The following LALBA variants were observed in gnomAD, a reference collection of about 807,000 sequenced individuals.
LALBA encodes alpha-lactalbumin.
Under a neutral mutation model 13.4 loss-of-function variants are expected in LALBA, and 12 were observed. The observed-to-expected ratio is 0.89, with a 90% CI of 0.57 to 1.45. LALBA has a LOEUF of 1.45. Ranked by LOEUF, LALBA falls within the 40% of genes most tolerant of loss-of-function variation. The pLI is 0.00. For synonymous variants in LALBA, 64 were observed against 61.0 expected (o/e 1.05, Z -0.23); for missense variants, 145 against 165.9 (o/e 0.87, Z 0.69).
intron 2 of LALBA, among the ~76,000 whole-genome samples, chr12:48,568,832 G>A (rs1938597878): frequency 6.6e-6 from 1 of 152,298 alleles, no homozygotes; most frequent in Admixed American, 6.5e-5. Context: ...TGAAAATGCA[G>A]ACAATCAGAT....
chr12:48,568,746 A>G (rs1309577700), intron 2 of LALBA, among the ~76,000 whole-genome samples, 154 bp from the exon 3 acceptor site: 2 of 152,174 alleles, frequency 1.3e-5, no homozygotes, highest in Admixed American at 6.5e-5. Context: ...GGTAATGTCT[A>G]ACCCTGGGTA....
At chr12:48,570,164 G>A (rs1402472126), upstream of LALBA, 16 of 820,088 alleles carry the variant, frequency 2.0e-5, no homozygotes, top group Non-Finnish European at 2.7e-5. Flanking sequence ...AGACAGAAAC[G>A]CTGAGCCTGC....
At position 48,568,940 on chromosome 12, in the gene LALBA, A is replaced by G; in HGVS notation, c.292+142T>C. On this transcript the variant is annotated intron_variant, in intron 2 of 3. Transcript: ENST00000301046. ...GAAAAATCCAAACAGCTTCTTACTC[A>G]GTACTGCCAATTCAAGTCCCACAAT... 4.3e-6 allele frequency: 3 copies of G among 704,610 alleles called. No homozygotes were observed. The South Asian group carries it at 5.9e-5, about 14-fold the overall frequency. 43.6% of individuals were successfully genotyped at this position (704,610 alleles called of 1,614,324 possible).
At position 48,567,736 on chromosome 12, in the gene LALBA, T is replaced by C. The variant is rs1019939217; in HGVS notation, c.*221A>G. The stretch of plus-strand genomic sequence containing the variant: ...GACAGAGGTGAAATCTGTGCTGTAG[T>C]GAAAGTGCCATCGAAGGCACTGAGT... On this transcript the variant is annotated 3_prime_UTR_variant, in exon 4 of 4. Coordinates refer to ENST00000301046, the MANE Select transcript of LALBA (RefSeq NM_002289.3). The C allele has an allele frequency of 3.9e-6, 2 of 507,454 alleles. No individual in the cohort carries two copies. The highest frequency in any genetic ancestry group is 3.9e-5 in the African/African-American group (2 of 51,506). The allele number at this position is 507,454 out of a possible 1,614,324, so 31.4% of individuals were successfully genotyped here.
At chr12:48,570,191 T>G, upstream of LALBA, 1 of 655,688 alleles carries the variant, frequency 1.5e-6, no homozygotes, top group Non-Finnish European at 2.6e-6. Context: ...CCTTCCATAA[T>G]TCACCCTACT....
At chr12:48,570,358 C>CAA (rs894363175), upstream of LALBA, among the ~76,000 whole-genome samples, 2 of 152,076 alleles carry the variant, frequency 1.3e-5, no homozygotes, top group African/African-American at 4.8e-5. Flanking sequence ...ACTTGAGGAA[C>CAA]AAAGAAGGGC....
At chr12:48,569,826 A>G (rs1176028558) in intron 1 of LALBA, 62 bp downstream of exon 1, 2 of 1,557,928 alleles carry the variant, frequency 1.3e-6, no homozygotes, top group East Asian at 4.5e-5. Flanking sequence ...AAGTGGAAGA[A>G]AGAGGGGATG....
upstream of LALBA, among the ~76,000 whole-genome samples, chr12:48,570,729 T>C (rs1030664739): frequency 6.6e-6 from 1 of 152,100 alleles, no homozygotes; most frequent in Non-Finnish European, 1.5e-5. Context: ...ACACCTGTAA[T>C]CCCGGCATTT....
At chr12:48,569,383 C>CA (rs1051196927) in intron 1 of LALBA, 143 bp from the exon 2 acceptor site, 591 of 651,846 alleles carry the variant, frequency 9.1e-4, no homozygotes, top group Admixed American at 1.3e-3. Flanking sequence ...TGGAGAATTC[C>CA]AAAAAAAAAT....
chr12:48,568,180 T>C (rs1409909934), intron 3 of LALBA, 163 bp from the exon 4 acceptor site: 2 of 648,514 alleles, frequency 3.1e-6, no homozygotes, highest in South Asian at 1.9e-5. Context: ...CCATAAAAAA[T>C]ATCCAAGAAA....
rs1938586166 is a variant in LALBA at position 48,567,831 on chromosome 12, C to T, written c.*126G>A. 37 of 814,684 alleles carry T rather than the reference C, an allele frequency of 4.5e-5. 1 individual carries two copies. The South Asian group carries it at 5.5e-4, about 12-fold the overall frequency. The allele number at this position is 814,684 out of a possible 1,614,324, so 50.5% of individuals were successfully genotyped here. On this transcript the variant is annotated 3_prime_UTR_variant, in exon 4 of 4. Coordinates refer to ENST00000301046, the MANE Select transcript of LALBA (RefSeq NM_002289.3). Reference sequence around the variant, plus strand: ...AGTCTTCAAGAATTCGGTGATGTCACTACAGGGCCCAAGGCTCAGAGACAG... The same window carrying T: ...AGTCTTCAAGAATTCGGTGATGTCATTACAGGGCCCAAGGCTCAGAGACAG...
chr12:48,570,810 C>G (rs1309700968), upstream of LALBA, among the ~76,000 whole-genome samples: 1 of 151,592 alleles, frequency 6.6e-6, no homozygotes, highest in African/African-American at 2.4e-5. Flanking sequence ...TGGTAAAATC[C>G]CATCTCTACA....
At chr12:48,568,477 G>A in intron 3 of LALBA, 40 bp downstream of exon 3, 2 of 1,158,314 alleles carry the variant, frequency 1.7e-6, no homozygotes, top group Non-Finnish European at 2.6e-6. Context: ...GGGGTAAGGA[G>A]AAGGAGGATG....
chr12:48,568,649 C>T, intron 2 of LALBA, 57 bp from the exon 3 acceptor site: 1 of 1,034,132 alleles, frequency 9.7e-7, no homozygotes. Context: ...CCCAGAAAGG[C>T]ACTGAGTTCC....
At position 48,569,086 on chromosome 12, in the gene LALBA, A is replaced by T; in HGVS notation, c.288T>A (p.Cys96Ter). ...PQSRNICDISCDKFLDDDITD... is the reference protein window; with the variant it reads ...PQSRNICDIS ...AGGGTTATAGGGGCTACTCACTGTC[A>T]CAGGAGATGTCACAGATGTTCCTTG... Residue 96 changes from cysteine (C) to a stop codon, truncating the protein, a stop_gained, in exon 2 of 4, where the codon TGT (cysteine) becomes TGA (stop). Transcript: ENST00000301046. LOFTEE classifies it high-confidence loss of function. 6.2e-7 allele frequency: 1 copy of T among 1,609,526 alleles called. No individual in the cohort carries two copies. Among genetic ancestry groups the T allele is most frequent in the Non-Finnish European group, 8.5e-7 (1 of 1,178,870 alleles).
At chr12:48,571,480 G>A (rs1303771515), upstream of LALBA, among the ~76,000 whole-genome samples, 3 of 136,234 alleles carry the variant, frequency 2.2e-5, no homozygotes, top group South Asian at 2.4e-4. Context: ...TGCCTCCCAG[G>A]CTCAAGTGAT....
chr12:48,568,175 A>C, intron 3 of LALBA, 158 bp from the exon 4 acceptor site: 1 of 651,478 alleles, frequency 1.5e-6, no homozygotes, highest in Non-Finnish European at 2.8e-6. Context: ...ACAGTCCATA[A>C]AAAATATCCA....
chr12:48,571,723 CTATT>C (rs1317856437), upstream of LALBA, among the ~76,000 whole-genome samples: 1 of 152,098 alleles, frequency 6.6e-6, no homozygotes, highest in Non-Finnish European at 1.5e-5. Context: ...CCCAACCAAT[CTATT>C]TAAGACTTAC....
intron 1 of LALBA, among the ~76,000 whole-genome samples, chr12:48,569,618 C>T (rs1264942084): frequency 6.6e-6 from 1 of 152,070 alleles, no homozygotes; most frequent in African/African-American, 2.4e-5. Flanking sequence ...GAGGCTGAGG[C>T]AGGAGAATCA....
Sources: allele counts gnomAD v4.1 joint callset (sites outside exome capture counted in the v4.1 genomes callset), GRCh38; gene constraint gnomAD v4.1.1; transcripts MANE v1.5; gene names NCBI Gene and HGNC (gene_info 2026-07-23, HGNC 2026-07-21).